Variants in ABCC4 observed in about 807,000 individuals in gnomAD.
ABCC4 encodes the protein ATP binding cassette subfamily C member 4 (PEL blood group), also known as ATP-binding cassette sub-family C member 4.
ABCC4 carries 102 observed loss-of-function variants against 168.5 expected under a neutral mutation model. The observed-to-expected ratio is 0.61, with a 90% CI of 0.52 to 0.71. The LOEUF (loss-of-function observed/expected upper bound fraction) is 0.71, where lower values mean the gene tolerates loss of function less well. Among genes scored for constraint, ABCC4 ranks in the 30% least tolerant of loss-of-function variants. The pLI, the probability that ABCC4 is intolerant of heterozygous loss-of-function variation, is 0.00. For missense variants in ABCC4, 1,402 were observed against 1,605.8 expected (o/e 0.87, Z 2.17); for synonymous variants, 617 against 590.7 (o/e 1.04, Z -0.65).
In ABCC4 at chr13:95,106,899, C is replaced by G. The variant is rs2035026653; in HGVS notation, c.2535+9023G>C. 2.6e-5 allele frequency among the ~76,000 whole-genome samples: 4 copies of G among 152,254 alleles called. No individual in the cohort carries two copies. The South Asian group carries it at 8.3e-4, about 32-fold the overall frequency. On this transcript the variant is annotated intron_variant, in intron 20 of 30. Coordinates refer to ENST00000645237, the MANE Select transcript of ABCC4 (RefSeq NM_005845.5). Reference sequence around the variant, plus strand: ...TCACACATGAAATAAGGCACCCAGACTTTGTTGTCTAAAATCAAATACATG... The same window carrying G: ...TCACACATGAAATAAGGCACCCAGAGTTTGTTGTCTAAAATCAAATACATG...
chr13:95,245,227 T>C (rs2040075818), intron 3 of ABCC4, among the ~76,000 whole-genome samples: 1 of 152,216 alleles, frequency 6.6e-6, no homozygotes, highest in Admixed American at 6.5e-5. Context: ...GTTTTCAATT[T>C]CATAAGCAGC....
At chr13:95,265,596 G>C (rs2040648422) in intron 1 of ABCC4, among the ~76,000 whole-genome samples, 1 of 152,132 alleles carries the variant, frequency 6.6e-6, no homozygotes, top group South Asian at 2.1e-4. Context: ...CTGAACAGCT[G>C]CTATCACAGA....
chr13:95,022,325 A>C (rs1036482410), intron 30 of ABCC4, among the ~76,000 whole-genome samples: 1 of 152,220 alleles, frequency 6.6e-6, no homozygotes, highest in Non-Finnish European at 1.5e-5. Context: ...ATAATAGGAC[A>C]GTTCTTTGCC....
At chr13:95,269,030 C>T (rs1055355210) in intron 1 of ABCC4, among the ~76,000 whole-genome samples, 3 of 152,304 alleles carry the variant, frequency 2.0e-5, no homozygotes, top group African/African-American at 7.2e-5. Context: ...TGACAGGTCT[C>T]AACTCCCTGG....
intron 4 of ABCC4, among the ~76,000 whole-genome samples, chr13:95,211,770 A>C (rs1214321369): frequency 6.6e-6 from 1 of 152,178 alleles, no homozygotes; most frequent in Non-Finnish European, 1.5e-5. Flanking sequence ...AGACTACTGG[A>C]AGGAGGAGAA....
At chr13:95,276,744 C>T (rs1222527593) in intron 1 of ABCC4, among the ~76,000 whole-genome samples, 1 of 152,188 alleles carries the variant, frequency 6.6e-6, no homozygotes, top group African/African-American at 2.4e-5. Context: ...ACGGGCCAGC[C>T]GCAGTGGCTC....
At chr13:95,022,038 C>A (rs1003404782) in intron 30 of ABCC4, among the ~76,000 whole-genome samples, 3 of 152,226 alleles carry the variant, frequency 2.0e-5, no homozygotes, top group Non-Finnish European at 2.9e-5. Context: ...CTAGCGTCTG[C>A]ATGAGGGTTT....
chr13:95,206,161 C>A (rs971997996), intron 8 of ABCC4, among the ~76,000 whole-genome samples: 2 of 152,214 alleles, frequency 1.3e-5, no homozygotes, highest in Non-Finnish European at 2.9e-5. Context: ...TTCCAGCCCA[C>A]AGAAGAATCA....
intron 8 of ABCC4, among the ~76,000 whole-genome samples, chr13:95,204,862 T>C (rs1410123900): frequency 2.0e-5 from 3 of 152,146 alleles, no homozygotes; most frequent in African/African-American, 7.2e-5. Flanking sequence ...AAATAACATG[T>C]ACAGGCTTCC....
chr13:95,030,011 C>CCATT (rs879695650), intron 30 of ABCC4, among the ~76,000 whole-genome samples: 2,033 of 151,798 alleles, frequency 0.013, 65 homozygotes, highest in African/African-American at 0.047. Flanking sequence ...ATCCATCCAT[C>CCATT]CATCCATCCA....
chr13:95,077,017 A>C (rs894257756), intron 21 of ABCC4, among the ~76,000 whole-genome samples: 2 of 152,152 alleles, frequency 1.3e-5, no homozygotes, highest in Non-Finnish European at 2.9e-5. Context: ...CACCATTTCC[A>C]GCAGGCCACT....
chr13:95,235,651 C>G (rs1454662012), intron 3 of ABCC4, among the ~76,000 whole-genome samples: 1 of 152,190 alleles, frequency 6.6e-6, no homozygotes, highest in African/African-American at 2.4e-5. Flanking sequence ...TCCAATTTTT[C>G]CCAATCCAAA....
Position 95,206,740 on chromosome 13 carries a change from C to T in ABCC4, c.953G>A (p.Gly318Glu), listed in dbSNP as rs1366768537. 3 of 1,614,052 alleles carry T rather than the reference C, an allele frequency of 1.9e-6. No individual in the cohort carries two copies. The highest frequency in any genetic ancestry group is 2.5e-6 in the Non-Finnish European group (3 of 1,179,988). Residue 318 changes from glycine to glutamate, a missense_variant, in exon 8 of 31, where the codon GGG becomes GAG. Gly to Glu is a moderately conservative substitution (Grantham distance 98, BLOSUM62 -2). This residue lies in a region of ABCC4 where 78 missense variants were observed against 133.0 expected (regional missense o/e 0.59). Transcript: ENST00000645237. ...SKILRSSCLR[G>E]MNLASFFSAS... ...ACTGAAAAATGAAGCCAAATTCATC[C>T]CTCTGAGGCAGGAACTTCTCAGAAT... is the stretch of plus-strand genomic sequence containing the variant.
At chr13:95,167,201 A>C (rs1187315578) in intron 14 of ABCC4, among the ~76,000 whole-genome samples, 2 of 151,438 alleles carry the variant, frequency 1.3e-5, no homozygotes, top group Admixed American at 6.6e-5. Flanking sequence ...TAAATAAATA[A>C]ATAAATAAAT....
At chr13:95,155,833 C>T (rs1471294389) in intron 19 of ABCC4, among the ~76,000 whole-genome samples, 2 of 152,178 alleles carry the variant, frequency 1.3e-5, no homozygotes, top group East Asian at 3.8e-4. Flanking sequence ...AGTCAGTGTA[C>T]TTAGCTAAAT....
intron 1 of ABCC4, among the ~76,000 whole-genome samples, chr13:95,274,082 C>T (rs2040912538): frequency 6.6e-6 from 1 of 152,066 alleles, no homozygotes; most frequent in East Asian, 1.9e-4. Flanking sequence ...GTAAATTGCC[C>T]AGTCTCAGGT....
At chr13:95,131,486 G>A (rs1411962737) in intron 19 of ABCC4, among the ~76,000 whole-genome samples, 1 of 152,142 alleles carries the variant, frequency 6.6e-6, no homozygotes, top group Non-Finnish European at 1.5e-5. Flanking sequence ...AAAATTAGCT[G>A]GGCTTGGTGG....
chr13:95,114,334 C>G (rs1000390286), intron 20 of ABCC4, among the ~76,000 whole-genome samples: 1 of 152,194 alleles, frequency 6.6e-6, no homozygotes, highest in Non-Finnish European at 1.5e-5. Context: ...CGACCGCTCA[C>G]TCTGCTAAGC....
At chr13:95,150,620 A>G (rs1347110653) in intron 19 of ABCC4, among the ~76,000 whole-genome samples, 1 of 152,196 alleles carries the variant, frequency 6.6e-6, no homozygotes, top group East Asian at 1.9e-4. Context: ...GTGACCAAGA[A>G]TGAGAACACT....
Sources: allele counts gnomAD v4.1 joint callset (sites outside exome capture counted in the v4.1 genomes callset), GRCh38; gene constraint gnomAD v4.1.1; regional missense constraint gnomAD v4.1.1; transcripts MANE v1.5; gene names NCBI Gene and HGNC (gene_info 2026-07-23, HGNC 2026-07-21).